The following MAGI2 variants were observed in gnomAD, a reference collection of about 807,000 sequenced individuals.
The protein encoded by MAGI2 is membrane-associated guanylate kinase, WW and PDZ domain-containing protein 2.
In MAGI2, 35 loss-of-function variants were observed where a neutral mutation model predicts 133.3. That is an observed-to-expected ratio of 0.26 (90% confidence interval 0.20 to 0.35). The LOEUF (loss-of-function observed/expected upper bound fraction) is 0.35. Ranked by LOEUF, MAGI2 falls within the 10% of genes least tolerant of loss-of-function variation. The pLI is 1.00. For missense variants in MAGI2, 1,636 were observed against 1,863.4 expected (o/e 0.88, Z 2.25); for synonymous variants, 729 against 710.6 (o/e 1.03, Z -0.41).
intron 1 of MAGI2, among the ~76,000 whole-genome samples, chr7:79,045,637 A>G (rs1812106500): frequency 6.6e-6 from 1 of 152,114 alleles, no homozygotes; most frequent in Admixed American, 6.5e-5. Context: ...CTAAAAATAC[A>G]AAAAATTAGC....
At chr7:78,530,540 CACAG>C (rs1797374494) in intron 3 of MAGI2, among the ~76,000 whole-genome samples, 1 of 152,124 alleles carries the variant, frequency 6.6e-6, no homozygotes, top group African/African-American at 2.4e-5. Context: ...AGTCATAGCT[CACAG>C]ACAGAGGGAT....
chr7:79,018,527 G>A (rs1562793279), intron 1 of MAGI2, among the ~76,000 whole-genome samples: 2 of 152,108 alleles, frequency 1.3e-5, no homozygotes, highest in Non-Finnish European at 2.9e-5. Context: ...CTGATGACAG[G>A]ATCAAATCCA....
At chr7:78,919,253 T>C (rs1006386912) in intron 2 of MAGI2, among the ~76,000 whole-genome samples, 5 of 152,100 alleles carry the variant, frequency 3.3e-5, no homozygotes, top group Non-Finnish European at 5.9e-5. Flanking sequence ...ACTCATTCTA[T>C]AAAGCAGTAG....
At chr7:79,403,919 G>A (rs992264403) in intron 1 of MAGI2, among the ~76,000 whole-genome samples, 1 of 152,132 alleles carries the variant, frequency 6.6e-6, no homozygotes, top group African/African-American at 2.4e-5. Flanking sequence ...TATTAAACAT[G>A]GAAACCTGCA....
chr7:79,116,582 G>C (rs1819429262), intron 1 of MAGI2, among the ~76,000 whole-genome samples: 1 of 152,048 alleles, frequency 6.6e-6, no homozygotes. Flanking sequence ...CCTTCACCTT[G>C]GTATTCCAGG....
intron 1 of MAGI2, among the ~76,000 whole-genome samples, chr7:79,293,821 G>C (rs1378116144): frequency 2.6e-5 from 4 of 152,150 alleles, no homozygotes; most frequent in African/African-American, 9.7e-5. Flanking sequence ...CGCCTTTTAT[G>C]CTGTAGGCAC....
chr7:78,068,823 T>C (rs1298243342), intron 21 of MAGI2, among the ~76,000 whole-genome samples: 3 of 152,314 alleles, frequency 2.0e-5, no homozygotes, highest in East Asian at 3.9e-4. Context: ...TGTCTTAAGA[T>C]ACTGGACTGT....
intron 1 of MAGI2, among the ~76,000 whole-genome samples, chr7:79,140,276 T>G (rs1821994804): frequency 6.6e-6 from 1 of 152,214 alleles, no homozygotes; most frequent in Non-Finnish European, 1.5e-5. Flanking sequence ...ATTTCTTGTT[T>G]TCTCATTGAT....
At chr7:78,097,387 A>C (rs1817801508) in intron 20 of MAGI2, among the ~76,000 whole-genome samples, 1 of 152,218 alleles carries the variant, frequency 6.6e-6, no homozygotes, top group Non-Finnish European at 1.5e-5. Context: ...AGCACTATTT[A>C]CAATAGCAAA....
In MAGI2 at chr7:78,176,582, A is replaced by G. The variant is rs749431840; in HGVS notation, c.2403+1429T>C. ...AAGGAGCCCACTCTTCACCCAGGCA[A>G]TCTACTTTACTCTGAGACAGTTTTA... On this transcript the variant is annotated intron_variant, in intron 14 of 21. Coordinates refer to ENST00000354212, the MANE Select transcript of MAGI2 (RefSeq NM_012301.4). 2.0e-5 allele frequency among the ~76,000 whole-genome samples: 3 copies of G among 152,110 alleles called. 1 individual carries two copies. The highest frequency in any genetic ancestry group is 4.1e-4 in the South Asian group (2 of 4,830).
chr7:79,390,111 G>C (rs1300950535), intron 1 of MAGI2, among the ~76,000 whole-genome samples: 2 of 152,118 alleles, frequency 1.3e-5, no homozygotes, highest in Admixed American at 1.3e-4. Flanking sequence ...AAGACAGCAG[G>C]TATAAATAAA....
Position 79,104,285 on chromosome 7 carries a change from T to C in MAGI2, c.302-97079A>G, listed in dbSNP as rs550659182. Reference sequence around the variant, plus strand: ...CATTCTGGGGTCTGTGGCTAGACTGTGAGCTTCGGAGGGATGGGGACCATA... The same window carrying C: ...CATTCTGGGGTCTGTGGCTAGACTGCGAGCTTCGGAGGGATGGGGACCATA... On this transcript the variant is annotated intron_variant, in intron 1 of 21. Transcript: ENST00000354212. 2.0e-5 allele frequency among the ~76,000 whole-genome samples: 3 copies of C among 152,296 alleles called. No homozygotes were observed. The East Asian group carries it at 5.8e-4, about 29-fold the overall frequency.
intron 1 of MAGI2, among the ~76,000 whole-genome samples, chr7:79,245,534 AG>A (rs1832755218): frequency 6.6e-6 from 1 of 152,152 alleles, no homozygotes; most frequent in Non-Finnish European, 1.5e-5. Flanking sequence ...CCATGAGGGG[AG>A]ACCCCTCTGC....
intron 2 of MAGI2, among the ~76,000 whole-genome samples, chr7:78,895,265 C>T (rs1050054979): frequency 1.4e-4 from 21 of 152,182 alleles, no homozygotes; most frequent in African/African-American, 4.6e-4. Context: ...TATCTGTCAG[C>T]AAGAAGGCTC....
At chr7:79,309,913 C>G (rs1178844402) in intron 1 of MAGI2, among the ~76,000 whole-genome samples, 1 of 143,826 alleles carries the variant, frequency 7.0e-6, no homozygotes, top group East Asian at 2.0e-4. Context: ...GGTGGATCAT[C>G]TGAGATCAGG....
At chr7:78,976,411 T>C (rs1804253947) in intron 2 of MAGI2, among the ~76,000 whole-genome samples, 1 of 151,414 alleles carries the variant, frequency 6.6e-6, no homozygotes, top group African/African-American at 2.4e-5. Context: ...AAACCAGGAA[T>C]GGAGAATTTC....
chr7:78,535,639 T>C (rs1336470769), intron 3 of MAGI2, among the ~76,000 whole-genome samples: 2 of 152,058 alleles, frequency 1.3e-5, no homozygotes, highest in Non-Finnish European at 2.9e-5. Context: ...GGGAGGAACT[T>C]ACAGTTTAAC....
At chr7:78,601,137 A>C (rs965370649) in intron 3 of MAGI2, among the ~76,000 whole-genome samples, 4 of 152,228 alleles carry the variant, frequency 2.6e-5, no homozygotes, top group Admixed American at 6.5e-5. Context: ...TTTTCAATAC[A>C]ATAAATATTC....
intron 1 of MAGI2, among the ~76,000 whole-genome samples, chr7:79,106,880 G>A (rs986489052): frequency 2.0e-5 from 3 of 152,074 alleles, no homozygotes; most frequent in South Asian, 4.2e-4. Flanking sequence ...TAAGAAGAGC[G>A]AATCAATATA....
Sources: allele counts gnomAD v4.1 joint callset (sites outside exome capture counted in the v4.1 genomes callset), GRCh38; gene constraint gnomAD v4.1.1; transcripts MANE v1.5; gene names NCBI Gene and HGNC (gene_info 2026-07-23, HGNC 2026-07-21).